FBXL17: variants seen among roughly 807,000 people sequenced by gnomAD.
FBXL17 encodes F-box/LRR-repeat protein 17.
In FBXL17, 22 loss-of-function variants were observed where a neutral mutation model predicts 66.2. The observed-to-expected ratio is 0.33, with a 90% CI of 0.24 to 0.47. The LOEUF is 0.47. FBXL17 is among the 20% of genes least tolerant of loss of function. The probability of loss-of-function intolerance (pLI) is 1.00; values close to 1 mark genes in which losing one functional copy is unlikely to be tolerated. For synonymous variants in FBXL17, 474 were observed against 400.5 expected (o/e 1.18, Z -2.19); for missense variants, 878 against 948.2 (o/e 0.93, Z 0.97).
intron 8 of FBXL17, chr5:107,879,906 C>A: frequency 1.0e-6 from 1 of 985,460 alleles, no homozygotes; most frequent in East Asian, 1.1e-4. Context: ...AAAGACCCGG[C>A]ATGAAGTCTT....
rs947531242 is a variant in FBXL17, at chr5:108,311,095, C to T, written c.1506+37304G>A. Among the ~76,000 whole-genome samples the T allele has an allele frequency of 5.1e-4, 78 of 152,166 alleles. 1 individual carries two copies. Among genetic ancestry groups the T allele is most frequent in the Admixed American group, 4.6e-3 (70 of 15,258 alleles). On this transcript the variant is annotated intron_variant, in intron 4 of 8. Coordinates refer to ENST00000542267, the MANE Select transcript of FBXL17 (RefSeq NM_001163315.3). The stretch of plus-strand genomic sequence containing the variant: ...GGAAAAGTAAGTGTCACTGAAATCA[C>T]TGCATTCTACCTTCAGTTCCCCACT...
chr5:108,300,971 TCA>T (rs1210080887), intron 4 of FBXL17, among the ~76,000 whole-genome samples: 1 of 151,742 alleles, frequency 6.6e-6, no homozygotes, highest in African/African-American at 2.4e-5. Flanking sequence ...TATAATTAGA[TCA>T]CAGAGAATAA....
chr5:107,870,555 G>A (rs1748412015), intron 8 of FBXL17, among the ~76,000 whole-genome samples: 1 of 151,866 alleles, frequency 6.6e-6, no homozygotes, highest in African/African-American at 2.4e-5. Flanking sequence ...CCCATGATAT[G>A]GAAGGAGAGG....
chr5:107,996,151 CTT>C (rs890394172), intron 7 of FBXL17, among the ~76,000 whole-genome samples: 1 of 152,116 alleles, frequency 6.6e-6, no homozygotes, highest in Non-Finnish European at 1.5e-5. Context: ...ATTTTTTTCC[CTT>C]TGTTTCATAC....
chr5:107,902,155 T>C (rs1749586440), intron 7 of FBXL17, among the ~76,000 whole-genome samples: 1 of 152,190 alleles, frequency 6.6e-6, no homozygotes, highest in African/African-American at 2.4e-5. Context: ...TTCCGTACTA[T>C]GCTGTGGTTT....
intron 6 of FBXL17, among the ~76,000 whole-genome samples, chr5:108,045,935 T>C (rs779566312): frequency 6.6e-6 from 1 of 152,238 alleles, no homozygotes; most frequent in Non-Finnish European, 1.5e-5. Context: ...TGAAATACTG[T>C]TCTTGGTTGG....
At chr5:107,912,426 A>T (rs1398192773) in intron 7 of FBXL17, among the ~76,000 whole-genome samples, 6 of 152,134 alleles carry the variant, frequency 3.9e-5, no homozygotes, top group Non-Finnish European at 8.8e-5. Flanking sequence ...GTTTACCAAC[A>T]TGGGAATATA....
At chr5:108,375,970 A>G (rs559188105) in intron 1 of FBXL17, among the ~76,000 whole-genome samples, 85 of 152,382 alleles carry the variant, frequency 5.6e-4, no homozygotes, top group African/African-American at 2.0e-3. Context: ...AACATATGAA[A>G]AAAACCCATG....
intron 6 of FBXL17, among the ~76,000 whole-genome samples, chr5:108,070,711 C>T (rs1293954287): frequency 6.6e-6 from 1 of 152,138 alleles, no homozygotes; most frequent in African/African-American, 2.4e-5. Flanking sequence ...TTGCTTTGGA[C>T]AGTTTTTACT....
intron 4 of FBXL17, among the ~76,000 whole-genome samples, chr5:108,262,554 A>C (rs1756882353): frequency 6.6e-6 from 1 of 152,204 alleles, no homozygotes; most frequent in Admixed American, 6.5e-5. Flanking sequence ...GTGGGATTTA[A>C]GAAACATTAA....
intron 4 of FBXL17, among the ~76,000 whole-genome samples, chr5:108,251,332 G>A (rs898182478): frequency 6.6e-6 from 1 of 151,812 alleles, no homozygotes; most frequent in Admixed American, 6.6e-5. Context: ...TATTAATAAG[G>A]GTGTAAACCT....
intron 6 of FBXL17, among the ~76,000 whole-genome samples, chr5:108,100,510 T>C (rs1192761593): frequency 6.6e-6 from 1 of 152,180 alleles, no homozygotes; most frequent in Non-Finnish European, 1.5e-5. Flanking sequence ...TTCTAAAAGA[T>C]CTTCAGATTT....
intron 1 of FBXL17, among the ~76,000 whole-genome samples, chr5:108,377,586 T>C (rs182045128): frequency 9.8e-5 from 15 of 152,372 alleles, no homozygotes; most frequent in South Asian, 2.1e-4. Context: ...CCTGAAGATC[T>C]AACAGTTTTC....
intron 7 of FBXL17, among the ~76,000 whole-genome samples, chr5:108,011,947 T>G (rs988305696): frequency 6.6e-6 from 1 of 152,204 alleles, no homozygotes; most frequent in Non-Finnish European, 1.5e-5. Context: ...TTTCTAGGAA[T>G]AGTAAAATTA....
intron 6 of FBXL17, among the ~76,000 whole-genome samples, chr5:108,024,501 T>G (rs186998126): frequency 9.9e-5 from 15 of 152,224 alleles, no homozygotes; most frequent in Non-Finnish European, 1.9e-4. Context: ...AAATCAAATG[T>G]CTTCGGTTCA....
At chr5:108,176,695 A>G (rs1382875485) in intron 6 of FBXL17, among the ~76,000 whole-genome samples, 1 of 152,164 alleles carries the variant, frequency 6.6e-6, no homozygotes, top group Non-Finnish European at 1.5e-5. Flanking sequence ...ACTAGGTTAA[A>G]TACTCTGGTG....
At chr5:108,275,360 T>C (rs994846936) in intron 4 of FBXL17, among the ~76,000 whole-genome samples, 5 of 152,184 alleles carry the variant, frequency 3.3e-5, no homozygotes, top group African/African-American at 1.2e-4. Flanking sequence ...AACCAGTGTA[T>C]GAAATTACTA....
At chr5:108,349,010 T>A (rs1747472073) in intron 3 of FBXL17, among the ~76,000 whole-genome samples, 1 of 152,098 alleles carries the variant, frequency 6.6e-6, no homozygotes, top group Admixed American at 6.6e-5. Context: ...CTCGCTATGT[T>A]ACCCAGACTA....
intron 6 of FBXL17, among the ~76,000 whole-genome samples, chr5:108,096,135 C>A (rs1327788172): frequency 6.6e-6 from 1 of 152,128 alleles, no homozygotes; most frequent in Non-Finnish European, 1.5e-5. Flanking sequence ...TACTGCAACA[C>A]AAAATACTCT....
Sources: gnomAD v4.1 joint callset for allele counts (sites outside exome capture counted in the v4.1 genomes callset) on GRCh38, gnomAD v4.1.1 for gene constraint, MANE v1.5 for transcripts, NCBI Gene and HGNC (gene_info 2026-07-23, HGNC 2026-07-21) for gene names.